The following ABCB5 variants were observed in gnomAD, a reference collection of about 807,000 sequenced individuals.
ABCB5 encodes ATP binding cassette subfamily B member 5, also known as ATP-binding cassette sub-family B member 5.
Under a neutral mutation model 144.2 loss-of-function variants are expected in ABCB5, and 155 were observed. The observed-to-expected ratio is 1.08, with a 90% CI of 0.94 to 1.23. The LOEUF (loss-of-function observed/expected upper bound fraction) is 1.23, where lower values mean the gene tolerates loss of function less well. Ranked by LOEUF, ABCB5 falls within the 50% of genes most tolerant of loss-of-function variation. The probability of loss-of-function intolerance (pLI) is 0.00; values close to 1 mark genes in which losing one functional copy is unlikely to be tolerated. For missense variants in ABCB5, 1,830 were observed against 1,520.8 expected, an observed-to-expected ratio of 1.20 and a Z score of -3.38; for synonymous variants, 610 against 528.6, an observed-to-expected ratio of 1.15 and a Z score of -2.11.
At chr7:20,710,100 G>T (rs1162484640) in intron 20 of ABCB5, among the ~76,000 whole-genome samples, 1 of 147,886 alleles carries the variant, frequency 6.8e-6, no homozygotes, top group Non-Finnish European at 1.5e-5. Flanking sequence ...AGGGGTGGTG[G>T]CTCACGCCTG....
At chr7:20,655,111 C>T (rs1189403334) in intron 13 of ABCB5, among the ~76,000 whole-genome samples, 2 of 149,940 alleles carry the variant, frequency 1.3e-5, no homozygotes, top group African/African-American at 4.9e-5. Flanking sequence ...AAAGAGATGG[C>T]CAGTATCAGG....
At position 20,628,758 on chromosome 7, in the gene ABCB5, C is replaced by G; in HGVS notation, c.179C>G (p.Ala60Gly). ...ATACTGGCATCACTGGTCAATGGAG[C>G]CTGCCTTCCTTTAATGCCACTGGTT... is the stretch of plus-strand genomic sequence containing the variant. ...LGILASLVNG[A>G]CLPLMPLVLG... The change falls in exon 4 of 28, where the codon GCC becomes GGC. Residue 60 changes from alanine to glycine, a missense_variant. Coordinates refer to ENST00000404938, the MANE Select transcript of ABCB5 (RefSeq NM_001163941.2). 1 of 1,613,600 alleles carries G rather than the reference C, an allele frequency of 6.2e-7. No individual in the cohort carries two copies. The highest frequency in any genetic ancestry group is 8.5e-7 in the Non-Finnish European group (1 of 1,179,774).
Position 20,681,622 on chromosome 7 carries a change from C to T in ABCB5, c.1825C>T (p.Leu609=). 1 of 1,614,166 alleles carries T rather than the reference C, an allele frequency of 6.2e-7. No individual in the cohort carries two copies. ...MLAEKGAHAE[L]MAKRGLYYSL... ...GGCGGAGAAAGGAGCACATGCTGAA[C>T]TAATGGCAAAACGAGGTCTATATTA... Residue 609 remains leucine, a synonymous_variant, in exon 15 of 28, where the codon CTA becomes TTA. Transcript: ENST00000404938.
intron 14 of ABCB5, among the ~76,000 whole-genome samples, chr7:20,674,694 GAA>G (rs887321625): frequency 1.0e-5 from 1 of 95,420 alleles, no homozygotes. Context: ...TGTCAAATAA[GAA>G]AAAAAAAAAG....
chr7:20,625,883 A>T (rs1783897547), intron 2 of ABCB5, among the ~76,000 whole-genome samples: 1 of 152,236 alleles, frequency 6.6e-6, no homozygotes, highest in Non-Finnish European at 1.5e-5. Context: ...AATAGCCAAA[A>T]TGTGGAAGCA....
At chr7:20,642,182 G>C (rs1784309102) in intron 5 of ABCB5, among the ~76,000 whole-genome samples, 2 of 152,016 alleles carry the variant, frequency 1.3e-5, no homozygotes, top group African/African-American at 4.8e-5. Flanking sequence ...GCTTCTCCTG[G>C]AATAAAACAT....
chr7:20,630,703 G>A (rs1784018328), intron 4 of ABCB5, among the ~76,000 whole-genome samples: 1 of 152,168 alleles, frequency 6.6e-6, no homozygotes, highest in African/African-American at 2.4e-5. Context: ...ATGAATGAAT[G>A]AATGTGTGAG....
chr7:20,753,725 G>C (rs1448980697), intron 27 of ABCB5, among the ~76,000 whole-genome samples: 4 of 152,038 alleles, frequency 2.6e-5, no homozygotes, highest in Non-Finnish European at 5.9e-5. Flanking sequence ...TTCCAGAAAG[G>C]TTTTCTCACT....
intron 14 of ABCB5, among the ~76,000 whole-genome samples, chr7:20,672,872 A>C (rs13240297): frequency 6.6e-6 from 1 of 151,936 alleles, no homozygotes; most frequent in African/African-American, 2.4e-5. Context: ...TGTTGACTCC[A>C]TTGCGTCATA....
intron 20 of ABCB5, among the ~76,000 whole-genome samples, chr7:20,714,684 G>A (rs768435085): frequency 1.3e-5 from 2 of 152,102 alleles, no homozygotes; most frequent in African/African-American, 4.8e-5. Context: ...CTATAGAAAG[G>A]ATATAATTCT....
chr7:20,621,581 A>G (rs1250371054), intron 1 of ABCB5, among the ~76,000 whole-genome samples: 2 of 152,132 alleles, frequency 1.3e-5, no homozygotes, highest in Non-Finnish European at 2.9e-5. Flanking sequence ...TAGCTGGCAC[A>G]TCATATAAGC....
chr7:20,735,337 A>G (rs1782349280), intron 23 of ABCB5, among the ~76,000 whole-genome samples: 1 of 152,216 alleles, frequency 6.6e-6, no homozygotes, highest in South Asian at 2.1e-4. Flanking sequence ...TGGGTTTTCA[A>G]TGAGTATTAA....
intron 17 of ABCB5, among the ~76,000 whole-genome samples, chr7:20,698,984 A>G (rs1786517420): frequency 6.6e-6 from 1 of 152,218 alleles, no homozygotes. Flanking sequence ...TAAGGATCTT[A>G]CAAGATCCAT....
chr7:20,624,951 C>T lies in ABCB5; in HGVS notation c.54-1606C>T, dbSNP rs373336255. 4.6e-5 allele frequency among the ~76,000 whole-genome samples: 7 copies of T among 152,210 alleles called. No homozygotes were observed. The East Asian group carries it at 1.2e-3, about 25-fold the overall frequency. ...AACCCGCCCACCTGCCCACATGTTG[C>T]TTTCTTATGTCAACGCTGATAAAGA... On this transcript the variant is annotated intron_variant, in intron 2 of 27. Coordinates refer to ENST00000404938, the MANE Select transcript of ABCB5 (RefSeq NM_001163941.2).
rs779134662 is a variant in ABCB5, at chr7:20,739,128, G to A, written c.3013G>A (p.Gly1005Arg). The change falls in exon 24 of 28, where the codon GGG (glycine) becomes AGG (arginine). Residue 1005 changes from glycine (G) to arginine (R), a missense_variant. Physicochemically the swap from Gly to Arg is moderately radical, Grantham distance 125. Transcript: ENST00000404938. ...AAATATAGACAGCCGCAGTCAAGAA[G>A]GGAAAAAGCCAGTAAGCACAACTGT... ...KPNIDSRSQE[G>R]KKPDTCEGNL... 2 of 1,601,804 alleles carry A rather than the reference G, an allele frequency of 1.2e-6. No homozygotes were observed. Among genetic ancestry groups the A allele is most frequent in the South Asian group, 1.1e-5 (1 of 89,228 alleles).
chr7:20,659,640 T>C (rs2128030257), intron 14 of ABCB5: 4 of 989,118 alleles, frequency 4.0e-6, no homozygotes, highest in Non-Finnish European at 3.6e-6. Context: ...ATTTGGTTCA[T>C]CTTGGTACAG....
At chr7:20,708,418 C>T (rs746160777) in intron 20 of ABCB5, among the ~76,000 whole-genome samples, 85 of 152,220 alleles carry the variant, frequency 5.6e-4, no homozygotes, top group African/African-American at 1.9e-3. Context: ...GCAGGAGGAT[C>T]GCTCGAGCCT....
In ABCB5 at chr7:20,630,860, T is replaced by C. The variant is rs906306588; in HGVS notation, c.260-1199T>C. On this transcript the variant is annotated intron_variant, in intron 4 of 27. Transcript: ENST00000404938. ...TTGCTGTGAATTCTAATTTTTCTTGTTGTTCAAGGCTTCGCCAGTTTCCTG... is the reference window on the plus strand; with the variant it reads ...TTGCTGTGAATTCTAATTTTTCTTGCTGTTCAAGGCTTCGCCAGTTTCCTG... 2.2e-4 allele frequency among the ~76,000 whole-genome samples: 34 copies of C among 151,836 alleles called. 1 individual carries two copies. Among genetic ancestry groups the C allele is most frequent in the Non-Finnish European group, 5.9e-5 (4 of 67,968 alleles).
intron 16 of ABCB5, among the ~76,000 whole-genome samples, chr7:20,695,783 G>T (rs1437279091): frequency 6.6e-6 from 1 of 151,896 alleles, no homozygotes; most frequent in African/African-American, 2.4e-5. Flanking sequence ...TGCTAAACAA[G>T]ATGAGCACAT....
Sources: gnomAD v4.1 joint callset for allele counts (sites outside exome capture counted in the v4.1 genomes callset) on GRCh38, gnomAD v4.1.1 for gene constraint, MANE v1.5 for transcripts, NCBI Gene and HGNC (gene_info 2026-07-23, HGNC 2026-07-21) for gene names.